The following CRYBG2 variants were observed in gnomAD, a reference collection of about 807,000 sequenced individuals.
CRYBG2 encodes crystallin beta-gamma domain containing 2, also known as beta/gamma crystallin domain-containing protein 2.
Under a neutral mutation model 153.4 loss-of-function variants are expected in CRYBG2, and 106 were observed. The ratio of observed to expected loss-of-function variants is 0.69; its 90% confidence interval spans 0.59 to 0.81. The LOEUF is 0.81. Among genes scored for constraint, CRYBG2 ranks in the 30% least tolerant of loss-of-function variants. The probability of loss-of-function intolerance (pLI) is 0.00; values close to 1 mark genes in which losing one functional copy is unlikely to be tolerated. For missense variants in CRYBG2, 1,996 were observed against 2,112.0 expected (o/e 0.95, Z 1.08); for synonymous variants, 851 against 877.8 (o/e 0.97, Z 0.54).
rs766680992 is a variant in CRYBG2 at position 26,344,434 on chromosome 1, G to A, written c.2224C>T (p.Pro742Ser). Residue 742 changes from proline to serine, a missense_variant, in exon 2 of 20, where the codon CCC becomes TCC. By Grantham distance (74) the Pro-to-Ser change is moderately conservative. Transcript: ENST00000308182. ...TCTGTGCACGTCTTGCCCTCGGTGG[G>A]ATCAGAGACAAGCTGGGACTCCGTG... ...ASTESQLVSD[P>S]TEGKTCTETS... The A allele has an allele frequency of 1.2e-5, 19 of 1,525,108 alleles. No individual in the cohort carries two copies. The South Asian group carries it at 2.1e-4, about 17-fold the overall frequency. The allele number at this position is 1,525,108 out of a possible 1,614,324, so 94.5% of individuals were successfully genotyped here. A position where few individuals can be genotyped will look rare whatever the true frequency, so the allele number is the denominator to read the frequency against.
At chr1:26,334,188 C>G (rs1285027991) in intron 14 of CRYBG2, among the ~76,000 whole-genome samples, 1 of 152,138 alleles carries the variant, frequency 6.6e-6, no homozygotes, top group African/African-American at 2.4e-5. Flanking sequence ...TTTGGGAGAC[C>G]AAGAAGGGAG....
At position 26,328,821 on chromosome 1, in the gene CRYBG2, T is replaced by C; in HGVS notation, c.4367A>G (p.Lys1456Arg). 1 of 1,614,066 alleles carries C rather than the reference T, an allele frequency of 6.2e-7. No homozygotes were observed. Among genetic ancestry groups the C allele is most frequent in the Non-Finnish European group, 8.5e-7 (1 of 1,179,998 alleles). Reference protein sequence around the residue: ...FLYGLECFEGKEIELSREVRS... With the variant: ...FLYGLECFEGREIELSREVRS... ...CACCTCCCTGCTGAGCTCGATCTCCTTCCCCTCGAAGCACTCGAGTCCATA... is the reference window on the plus strand; with the variant it reads ...CACCTCCCTGCTGAGCTCGATCTCCCTCCCCTCGAAGCACTCGAGTCCATA... Residue 1456 changes from lysine to arginine, a missense_variant, in exon 16 of 20, where the codon AAG becomes AGG. By Grantham distance (26) the Lys-to-Arg change is conservative (BLOSUM62 2). Transcript: ENST00000308182.
intron 14 of CRYBG2, among the ~76,000 whole-genome samples, chr1:26,332,820 T>C (rs898131906): frequency 1.3e-5 from 2 of 151,858 alleles, no homozygotes; most frequent in Non-Finnish European, 2.9e-5. Context: ...TTCACACTTT[T>C]AAGGTGTACA....
At chr1:26,351,800 C>G (rs902066921) in intron 1 of CRYBG2, among the ~76,000 whole-genome samples, 2 of 152,178 alleles carry the variant, frequency 1.3e-5, no homozygotes, top group African/African-American at 4.8e-5. Flanking sequence ...CGTCCCTGAA[C>G]AGTCATGAGT....
At position 26,336,581 on chromosome 1, in the gene CRYBG2, C is replaced by G; in HGVS notation, c.4038+25G>C. 6.5e-7 allele frequency: 1 copy of G among 1,544,690 alleles called. No individual in the cohort carries two copies. Among genetic ancestry groups the G allele is most frequent in the Non-Finnish European group, 8.7e-7 (1 of 1,144,268 alleles). On this transcript the variant is annotated intron_variant, in intron 12 of 19. Coordinates refer to ENST00000308182, the MANE Select transcript of CRYBG2 (RefSeq NM_001039775.4). The surrounding 1 kb of genome is among the most constrained non-coding windows in gnomAD (Gnocchi z 4.9). ...CTCCAGGTCCCGCCACCGGGGAGGC[C>G]CCGCCCCCCGCGGCCGGCACGCACC...
chr1:26,329,511 G>A (rs2073974786), intron 15 of CRYBG2, among the ~76,000 whole-genome samples: 1 of 145,232 alleles, frequency 6.9e-6, no homozygotes, highest in East Asian at 2.0e-4. Flanking sequence ...ATAGGGTCTC[G>A]CTCTGTTGCC....
Position 26,344,097 on chromosome 1 carries a change from G to A in CRYBG2, c.2561C>T (p.Pro854Leu). 6.5e-7 allele frequency: 1 copy of A among 1,536,120 alleles called. No homozygotes were observed. The highest frequency in any genetic ancestry group is 1.2e-5 in the South Asian group (1 of 84,066). ...AGGGTGGAGGTCCCTGGAGGGGCTG[G>A]GCCCAGCTTTCTCCTGCCTGCGCTG... The part of the protein sequence containing the change: ...KLQRRQEKAG[P>L]SPSRDLHPAR... The change falls in exon 2 of 20, where the codon CCC (proline) becomes CTC (leucine). Residue 854 changes from proline (P) to leucine (L), a missense_variant. Physicochemically the swap from Pro to Leu is moderately conservative, Grantham distance 98. Coordinates refer to ENST00000308182, the MANE Select transcript of CRYBG2 (RefSeq NM_001039775.4).
intron 18 of CRYBG2, 80 bp downstream of exon 18, chr1:26,324,072 T>C (rs1041266088): frequency 5.3e-5 from 79 of 1,480,332 alleles, no homozygotes; most frequent in Non-Finnish European, 6.6e-5. Flanking sequence ...TCTGTGTTCC[T>C]GATTGGGCTG....
At position 26,324,304 on chromosome 1, in the gene CRYBG2, C is replaced by T; in HGVS notation, c.4585G>A (p.Val1529Ile). 1 of 1,605,526 alleles carries T rather than the reference C, an allele frequency of 6.2e-7. No homozygotes were observed. Among genetic ancestry groups the T allele is most frequent in the Non-Finnish European group, 8.5e-7 (1 of 1,178,502 alleles). Residue 1529 changes from valine (V) to isoleucine (I), a missense_variant, in exon 18 of 20, where the codon GTT becomes ATT. By Grantham distance (29) the Val-to-Ile change is conservative. Transcript: ENST00000308182. ...GSLYPIKQRR[V>I]YFRLWNAALG... The stretch of plus-strand genomic sequence containing the variant: ...GCTGCATTCCAGAGGCGGAAATAAA[C>T]CCGGCGCTGGTGGCAGAAAGAGGCT...
chr1:26,336,382 G>A lies in CRYBG2; in HGVS notation c.4039-12C>T, dbSNP rs765387316. ...TCGTGCTCCCCGACCTGAAGGTAGG[G>A]ACCGAATCGAGAATTAGGGAGGGTG... On this transcript the variant is annotated splice_polypyrimidine_tract_variant and intron_variant, in intron 12 of 19. Transcript: ENST00000308182. This position sits in a 1 kb window ranked among gnomAD's most constrained non-coding sequence, Gnocchi z 4.9. The A allele has an allele frequency of 6.2e-6, 10 of 1,612,918 alleles. No homozygotes were observed. The highest frequency in any genetic ancestry group is 8.5e-6 in the Non-Finnish European group (10 of 1,179,444).
chr1:26,325,610 TAC>T lies in CRYBG2; in HGVS notation c.4579-1302_4579-1301del, dbSNP rs56092779. Among the ~76,000 whole-genome samples the T allele has an allele frequency of 0.042, 6,277 of 148,890 alleles. 133 individuals carry two copies. Among genetic ancestry groups the T allele is most frequent in the Middle Eastern group, 0.048 (14 of 290 alleles). On this transcript the variant is annotated intron_variant, in intron 17 of 19. Coordinates refer to ENST00000308182, the MANE Select transcript of CRYBG2 (RefSeq NM_001039775.4). This position sits in a 1 kb window ranked among gnomAD's most constrained non-coding sequence, Gnocchi z 4.1. The stretch of plus-strand genomic sequence containing the variant: ...AAAAAAATGAATGCACTCCCACAGA[TAC>T]ACACACACACACACACACACACACA...
Position 26,344,456 on chromosome 1 carries a change from C to G in CRYBG2, c.2202G>C (p.Thr734=). ...APVPTGAEAS[T]ESQLVSDPTE... ...TGGGATCAGAGACAAGCTGGGACTC[C>G]GTGCTGGCCTCTGCTCCTGTTGGCA... The change falls in exon 2 of 20, where the codon ACG becomes ACC. Residue 734 remains threonine (T), a synonymous_variant. Coordinates refer to ENST00000308182, the MANE Select transcript of CRYBG2 (RefSeq NM_001039775.4). 2.0e-6 allele frequency: 3 copies of G among 1,527,580 alleles called. No individual in the cohort carries two copies. The highest frequency in any genetic ancestry group is 2.6e-6 in the Non-Finnish European group (3 of 1,134,252). The allele number at this position is 1,527,580 out of a possible 1,614,324, so 94.6% of individuals were successfully genotyped here.
At chr1:26,338,189 C>A in intron 7 of CRYBG2, 142 bp from the exon 8 acceptor site, 1 of 1,397,724 alleles carries the variant, frequency 7.2e-7, no homozygotes, top group East Asian at 2.4e-5. Flanking sequence ...CCCTACCTCT[C>A]CTCCCACTCC....
Position 26,346,101 on chromosome 1 carries a change from C to G in CRYBG2, c.557G>C (p.Gly186Ala). 2 of 1,573,160 alleles carry G rather than the reference C, an allele frequency of 1.3e-6. No homozygotes were observed. The highest frequency in any genetic ancestry group is 1.7e-6 in the Non-Finnish European group (2 of 1,163,754). Residue 186 changes from glycine to alanine, a missense_variant, in exon 2 of 20, where the codon GGT becomes GCT. By Grantham distance (60) the Gly-to-Ala change is moderately conservative. Coordinates refer to ENST00000308182, the MANE Select transcript of CRYBG2 (RefSeq NM_001039775.4). The surrounding 1 kb of genome is among the most constrained non-coding windows in gnomAD (Gnocchi z 4.9). ...GCTGCTCATCCGCCGGTCCACATGACCTCCCACCACTGTGGTGGTCCGCAC... is the reference window on the plus strand; with the variant it reads ...GCTGCTCATCCGCCGGTCCACATGAGCTCCCACCACTGTGGTGGTCCGCAC... ...RTVRTTTVVG[G>A]HVDRRMSSSV...
Position 26,344,249 on chromosome 1 carries a change from A to C in CRYBG2, c.2409T>G (p.Ile803Met), listed in dbSNP as rs2074171588. 2 of 1,534,418 alleles carry C rather than the reference A, an allele frequency of 1.3e-6. No individual in the cohort carries two copies. The highest frequency in any genetic ancestry group is 1.7e-6 in the Non-Finnish European group (2 of 1,145,680). The change falls in exon 2 of 20, where the codon ATT becomes ATG. Residue 803 changes from isoleucine (I) to methionine (M), a missense_variant. Transcript: ENST00000308182. ...CCCATGGCCCCAGCTGGTCCTCCTC[A>C]ATGGCAGGCAGCGTGGCGTACATGG... ...YLSMYATLPA[I>M]EEDQLGPWVL...
At chr1:26,332,833 T>G (rs1269439945) in intron 14 of CRYBG2, among the ~76,000 whole-genome samples, 1 of 151,484 alleles carries the variant, frequency 6.6e-6, no homozygotes, top group Non-Finnish European at 1.5e-5. Flanking sequence ...GGTGTACAAT[T>G]TAGTGTTTTT....
At chr1:26,333,413 A>G (rs2074021632) in intron 14 of CRYBG2, among the ~76,000 whole-genome samples, 1 of 152,068 alleles carries the variant, frequency 6.6e-6, no homozygotes, top group Non-Finnish European at 1.5e-5. Flanking sequence ...TAAAAATACA[A>G]AAATTAGCCG....
Position 26,336,606 on chromosome 1 carries a change from C to T in CRYBG2, c.4038G>A (p.Gln1346=), listed in dbSNP as rs2074060079. The T allele has an allele frequency of 1.9e-6, 3 of 1,550,092 alleles. No individual in the cohort carries two copies. Among genetic ancestry groups the T allele is most frequent in the Non-Finnish European group, 2.6e-6 (3 of 1,146,642 alleles). The stretch of plus-strand genomic sequence containing the variant: ...CCCGCCCCCCGCGGCCGGCACGCAC[C>T]TGTAGGACCGGCTGCAGCGAGGCGA... ...STLASLQPVL[Q]VGEHDLHFVS... The change falls in exon 12 of 20, where the codon CAG becomes CAA. Residue 1346 remains glutamine (Q), a splice_region_variant and synonymous_variant. Coordinates refer to ENST00000308182, the MANE Select transcript of CRYBG2 (RefSeq NM_001039775.4). This position sits in a 1 kb window ranked among gnomAD's most constrained non-coding sequence, Gnocchi z 4.9.
intron 1 of CRYBG2, among the ~76,000 whole-genome samples, chr1:26,349,812 T>C (rs866456462): frequency 8.7e-5 from 8 of 91,856 alleles, no homozygotes; most frequent in African/African-American, 3.2e-4. Context: ...CTAGAGGCTT[T>C]TTTTTTTTTT....
Sources: allele counts gnomAD v4.1 joint callset (sites outside exome capture counted in the v4.1 genomes callset), GRCh38; gene constraint gnomAD v4.1.1; non-coding constraint Gnocchi (gnomAD v3.1); transcripts MANE v1.5; gene names NCBI Gene and HGNC (gene_info 2026-07-23, HGNC 2026-07-21).